Variants in AGBL4 observed in about 807,000 individuals in gnomAD.
AGBL4 encodes AGBL carboxypeptidase 4.
AGBL4 carries 58 observed loss-of-function variants against 66.4 expected under a neutral mutation model. That is an observed-to-expected ratio of 0.87 (90% CI 0.71 to 1.09). The LOEUF is 1.09. Ranked by LOEUF, AGBL4 falls within the 50% of genes least tolerant of loss-of-function variation. The probability of loss-of-function intolerance (pLI) is 0.00; values close to 1 mark genes in which losing one functional copy is unlikely to be tolerated. For synonymous variants in AGBL4, 234 were observed against 222.9 expected, an observed-to-expected ratio of 1.05 and a Z score of -0.44; for missense variants, 579 against 631.0, an observed-to-expected ratio of 0.92 and a Z score of 0.88.
chr1:48,780,036 T>G (rs569266174), intron 6 of AGBL4, among the ~76,000 whole-genome samples: 20 of 151,818 alleles, frequency 1.3e-4, no homozygotes, highest in Non-Finnish European at 2.8e-4. Flanking sequence ...AATATTATTA[T>G]TATTATTACA....
At chr1:48,929,838 T>A (rs1255553297) in intron 5 of AGBL4, among the ~76,000 whole-genome samples, 1 of 152,188 alleles carries the variant, frequency 6.6e-6, no homozygotes, top group Non-Finnish European at 1.5e-5. Context: ...TCAAACCTGA[T>A]AATCAATACC....
At chr1:48,759,039 C>T (rs370864690) in intron 6 of AGBL4, 1 of 1,614,080 alleles carries the variant, frequency 6.2e-7, no homozygotes, top group Non-Finnish European at 8.5e-7. Context: ...GCTCCAGCTC[C>T]TGCTGGAGGT....
intron 1 of AGBL4, among the ~76,000 whole-genome samples, chr1:49,933,250 G>A (rs536279336): frequency 6.6e-6 from 1 of 152,092 alleles, no homozygotes; most frequent in African/African-American, 2.4e-5. Flanking sequence ...GCACATCAGA[G>A]GGAGAGGGCA....
intron 4 of AGBL4, among the ~76,000 whole-genome samples, chr1:49,113,648 C>A (rs1003166719): frequency 6.6e-6 from 1 of 152,222 alleles, no homozygotes; most frequent in African/African-American, 2.4e-5. Context: ...TTATCTATGG[C>A]AGCTATAGCC....
At chr1:49,316,491 T>TGA (rs147258877) in intron 3 of AGBL4, among the ~76,000 whole-genome samples, 38 of 150,240 alleles carry the variant, frequency 2.5e-4, no homozygotes, top group African/African-American at 7.1e-4. Context: ...ACTCAATTAC[T>TGA]GAGAGAGAGA....
At chr1:49,367,590 A>G (rs1286626933) in intron 3 of AGBL4, among the ~76,000 whole-genome samples, 3 of 152,214 alleles carry the variant, frequency 2.0e-5, no homozygotes, top group Non-Finnish European at 4.4e-5. Context: ...TGAAAGAACC[A>G]GGCTTGGACA....
intron 2 of AGBL4, among the ~76,000 whole-genome samples, chr1:49,802,718 C>T (rs1019241720): frequency 1.9e-4 from 29 of 152,152 alleles, no homozygotes; most frequent in Non-Finnish European, 2.9e-4. Flanking sequence ...GTTGGCACCA[C>T]GGGACCAGAA....
rs371746773 is a variant in AGBL4, at chr1:48,982,241, A to T, written c.594+63343T>A. Among the ~76,000 whole-genome samples the T allele has an allele frequency of 1.1e-4, 16 of 152,332 alleles. No individual in the cohort carries two copies. The East Asian group carries it at 2.7e-3, about 26-fold the overall frequency. On this transcript the variant is annotated intron_variant, in intron 5 of 13. Transcript: ENST00000371839. The stretch of plus-strand genomic sequence containing the variant: ...TTTAAGTTTTAGGGTACGTGTGCAC[A>T]ACGTGCAGGTTTGTTACATATATAT...
intron 4 of AGBL4, among the ~76,000 whole-genome samples, chr1:49,076,188 C>T (rs569119113): frequency 1.3e-5 from 2 of 152,246 alleles, no homozygotes; most frequent in Admixed American, 6.5e-5. Context: ...ACAGTTATCC[C>T]TCAGTATCTG....
At chr1:49,265,520 G>A (rs1359030931) in intron 3 of AGBL4, among the ~76,000 whole-genome samples, 2 of 152,192 alleles carry the variant, frequency 1.3e-5, no homozygotes. Context: ...TTACTTATTG[G>A]GAGTGCAGCC....
chr1:49,270,529 G>C (rs1191811152), intron 3 of AGBL4, among the ~76,000 whole-genome samples: 2 of 152,026 alleles, frequency 1.3e-5, no homozygotes. Flanking sequence ...AAATTAACAG[G>C]TCTGTCACTG....
intron 4 of AGBL4, among the ~76,000 whole-genome samples, chr1:49,189,597 T>C (rs1647077566): frequency 6.6e-6 from 1 of 152,182 alleles, no homozygotes. Context: ...CTTTTGTATT[T>C]ATCCTATTTG....
At chr1:48,741,382 G>A (rs1649884784) in intron 6 of AGBL4, among the ~76,000 whole-genome samples, 1 of 152,198 alleles carries the variant, frequency 6.6e-6, no homozygotes. Context: ...CAGATGTAGA[G>A]CTATGCTAAG....
chr1:48,902,580 C>T (rs1652192783), intron 5 of AGBL4, among the ~76,000 whole-genome samples: 1 of 152,018 alleles, frequency 6.6e-6, no homozygotes, highest in Non-Finnish European at 1.5e-5. Flanking sequence ...TTTTGGACTG[C>T]CTACTCTGTG....
chr1:49,068,110 C>T (rs533991744), intron 4 of AGBL4, among the ~76,000 whole-genome samples: 6 of 152,150 alleles, frequency 3.9e-5, no homozygotes, highest in Non-Finnish European at 8.8e-5. Flanking sequence ...GTAGGCAGGG[C>T]GCTCAGGAAG....
chr1:49,948,051 A>AAATATATATATACATATAAAT (rs1655518870), intron 1 of AGBL4, among the ~76,000 whole-genome samples: 1 of 85,312 alleles, frequency 1.2e-5, no homozygotes, highest in African/African-American at 5.7e-5. Flanking sequence ...TAAATATATA[A>AAATATATATATACATATAAAT]ATATATATAT....
chr1:49,567,342 A>T (rs1193175902), intron 3 of AGBL4, among the ~76,000 whole-genome samples: 1 of 152,142 alleles, frequency 6.6e-6, no homozygotes, highest in African/African-American at 2.4e-5. Context: ...CAGTGAGATG[A>T]ACCTGGTACC....
At chr1:48,807,805 AC>A (rs1645960613) in intron 6 of AGBL4, among the ~76,000 whole-genome samples, 1 of 151,746 alleles carries the variant, frequency 6.6e-6, no homozygotes, top group South Asian at 2.1e-4. Flanking sequence ...TCCATTGGTA[AC>A]CCCCGAGTTG....
At chr1:49,716,444 T>C (rs1401144454) in intron 2 of AGBL4, among the ~76,000 whole-genome samples, 1 of 152,124 alleles carries the variant, frequency 6.6e-6, no homozygotes, top group Admixed American at 6.6e-5. Flanking sequence ...GGCTCCTTTT[T>C]GGTTCCGTAT....
Sources: allele counts gnomAD v4.1 joint callset (sites outside exome capture counted in the v4.1 genomes callset), GRCh38; gene constraint gnomAD v4.1.1; transcripts MANE v1.5; gene names NCBI Gene and HGNC (gene_info 2026-07-23, HGNC 2026-07-21).